ALG6: variants seen among roughly 807,000 people sequenced by gnomAD.
ALG6 encodes ALG6 alpha-1,3-glucosyltransferase.
Under a neutral mutation model 66.6 loss-of-function variants are expected in ALG6, and 46 were observed. The observed-to-expected ratio is 0.69, with a 90% CI of 0.55 to 0.88. The LOEUF (loss-of-function observed/expected upper bound fraction) is 0.88, where lower values mean the gene tolerates loss of function less well. ALG6 is among the 40% of genes least tolerant of loss of function. The probability of loss-of-function intolerance (pLI) is 0.00; values close to 1 mark genes in which losing one functional copy is unlikely to be tolerated. For synonymous variants in ALG6, 185 were observed against 203.7 expected (o/e 0.91, Z 0.78); for missense variants, 505 against 586.8 (o/e 0.86, Z 1.44).
At chr1:63,397,216 C>T (rs575025603) in intron 3 of ALG6, among the ~76,000 whole-genome samples, 32 of 151,508 alleles carry the variant, frequency 2.1e-4, no homozygotes, top group African/African-American at 7.8e-4. Flanking sequence ...GATGGAGTCT[C>T]ACTCTGTCGC....
intron 14 of ALG6, among the ~76,000 whole-genome samples, chr1:63,434,715 T>C (rs1644668671): frequency 6.6e-6 from 1 of 152,126 alleles, no homozygotes; most frequent in Admixed American, 6.6e-5. Flanking sequence ...AGCCAAAAGA[T>C]TGGACAACCC....
intron 3 of ALG6, among the ~76,000 whole-genome samples, chr1:63,398,775 G>A (rs751619421): frequency 2.6e-5 from 4 of 151,992 alleles, no homozygotes; most frequent in Non-Finnish European, 4.4e-5. Flanking sequence ...GTGCCTGGCC[G>A]ATAATTAGAT....
rs113457394 is a variant in ALG6, at chr1:63,370,917, G to A, written c.-61G>A. 7.1e-5 allele frequency: 70 copies of A among 991,506 alleles called. 1 individual carries two copies. The highest frequency in any genetic ancestry group is 4.9e-4 in the African/African-American group (31 of 63,044). The allele number at this position is 991,506 out of a possible 1,614,324, so 61.4% of individuals were successfully genotyped here. On this transcript the variant is annotated 5_prime_UTR_variant, in exon 2 of 15. Transcript: ENST00000263440. Reference sequence around the variant, plus strand: ...AACAAGAAAAGAAGTGATTGACCACGTTTTAAAAGTACTCTGGCACTGGTG... The same window carrying A: ...AACAAGAAAAGAAGTGATTGACCACATTTTAAAAGTACTCTGGCACTGGTG...
At chr1:63,369,977 C>A (rs955346592) in intron 1 of ALG6, among the ~76,000 whole-genome samples, 20 of 151,954 alleles carry the variant, frequency 1.3e-4, no homozygotes, top group African/African-American at 4.6e-4. Flanking sequence ...CGCCACCATA[C>A]CTGGCTAATT....
chr1:63,434,314 T>A (rs888577473), intron 14 of ALG6, among the ~76,000 whole-genome samples: 4 of 152,156 alleles, frequency 2.6e-5, no homozygotes, highest in African/African-American at 9.7e-5. Flanking sequence ...GTGTTCAAGA[T>A]GACTCCAAGG....
In ALG6 at chr1:63,424,774, A is replaced by ATTT. The variant is rs146137714; in HGVS notation, c.1059-3939_1059-3937dup. ...TATGTCTTTGATCCATTTTGAGTTAATTTTTTTTTTTTTTTTTTTTTTGAG... is the reference window on the plus strand; with the variant it reads ...TATGTCTTTGATCCATTTTGAGTTAATTTTTTTTTTTTTTTTTTTTTTTTTGAG... On this transcript the variant is annotated intron_variant, in intron 12 of 14. Coordinates refer to ENST00000263440, the MANE Select transcript of ALG6 (RefSeq NM_013339.4). 8.1e-3 allele frequency among the ~76,000 whole-genome samples: 928 copies of ATTT among 113,982 alleles called. 22 individuals carry two copies. The highest frequency in any genetic ancestry group is 0.031 in the African/African-American group (834 of 27,092). The allele number at this position is 113,982 out of a possible 152,430, so 74.8% of individuals were successfully genotyped here.
intron 2 of ALG6, among the ~76,000 whole-genome samples, chr1:63,376,142 G>A (rs1347962321): frequency 2.6e-5 from 4 of 152,170 alleles, no homozygotes; most frequent in African/African-American, 9.7e-5. Flanking sequence ...AGATTGTACA[G>A]CCTACTACAC....
At chr1:63,434,706 G>A (rs1644668644) in intron 14 of ALG6, among the ~76,000 whole-genome samples, 2 of 152,192 alleles carry the variant, frequency 1.3e-5, no homozygotes. Context: ...GCCCAGGGAA[G>A]CCAAAAGATT....
At chr1:63,395,813 A>G (rs1648808435) in intron 2 of ALG6, among the ~76,000 whole-genome samples, 1 of 152,202 alleles carries the variant, frequency 6.6e-6, no homozygotes, top group Non-Finnish European at 1.5e-5. Context: ...ATTATTGAGT[A>G]CAGTCAGCCC....
Position 63,437,109 on chromosome 1 carries a change from G to T in ALG6, c.*89G>T, listed in dbSNP as rs531808380. On this transcript the variant is annotated 3_prime_UTR_variant, in exon 15 of 15. Transcript: ENST00000263440. ...TGTGAACTTTTTGCTATGTATAAAT[G>T]AAATTACCATTTTGAGAACCATGGA... 22 of 1,155,852 alleles carry T rather than the reference G, an allele frequency of 1.9e-5. No individual in the cohort carries two copies. The African/African-American group carries it at 2.8e-4, about 15-fold the overall frequency. 71.6% of individuals were successfully genotyped at this position (1,155,852 alleles called of 1,614,324 possible).
chr1:63,383,679 C>T (rs1472284497), intron 2 of ALG6, among the ~76,000 whole-genome samples: 2 of 152,188 alleles, frequency 1.3e-5, no homozygotes, highest in Non-Finnish European at 2.9e-5. Context: ...GTATTATAAA[C>T]ATTCCATTTA....
chr1:63,400,280 T>TATATAC (rs1415450323), intron 3 of ALG6, among the ~76,000 whole-genome samples: 2 of 26,282 alleles, frequency 7.6e-5, no homozygotes, highest in East Asian at 2.6e-3. Context: ...TATATATATA[T>TATATAC]ACGTATATAT....
intron 11 of ALG6, among the ~76,000 whole-genome samples, chr1:63,416,627 T>C (rs554251039): frequency 2.4e-4 from 37 of 152,230 alleles, no homozygotes; most frequent in African/African-American, 8.9e-4. Flanking sequence ...GTTTGATTTG[T>C]GTGCAAGAGA....
intron 2 of ALG6, among the ~76,000 whole-genome samples, chr1:63,386,074 A>G (rs1648493863): frequency 6.6e-6 from 1 of 152,194 alleles, no homozygotes; most frequent in African/African-American, 2.4e-5. Context: ...CAAAATGGTC[A>G]TATGGTTTCT....
At chr1:63,390,121 A>T (rs1184315552) in intron 2 of ALG6, among the ~76,000 whole-genome samples, 1 of 152,196 alleles carries the variant, frequency 6.6e-6, no homozygotes, top group African/African-American at 2.4e-5. Context: ...AGGGTTCTTC[A>T]TCAGCAGGTA....
intron 2 of ALG6, among the ~76,000 whole-genome samples, chr1:63,371,509 C>T (rs576286576): frequency 2.0e-5 from 3 of 152,202 alleles, no homozygotes; most frequent in Admixed American, 2.0e-4. Flanking sequence ...CTGCAGGTAC[C>T]TATTTAGCAC....
chr1:63,426,624 G>A lies in ALG6; in HGVS notation c.1059-2109G>A, dbSNP rs376680271. On this transcript the variant is annotated intron_variant, in intron 12 of 14. Transcript: ENST00000263440. ...AGTGACATGGTCATAGCTCACTGCA[G>A]CCTCGGACTCCTGGGCTCAAGTGAG... Among the ~76,000 whole-genome samples the A allele has an allele frequency of 2.1e-4, 32 of 152,080 alleles. No homozygotes were observed. The South Asian group carries it at 6.7e-3, about 32-fold the overall frequency.
chr1:63,412,149 A>T, intron 9 of ALG6, 88 bp downstream of exon 9: 2 of 1,560,918 alleles, frequency 1.3e-6, no homozygotes, highest in Admixed American at 3.3e-5. Flanking sequence ...AAGGAATAGG[A>T]ACTTCAGCTA....
intron 12 of ALG6, among the ~76,000 whole-genome samples, chr1:63,423,674 A>G (rs988289147): frequency 6.6e-6 from 1 of 152,180 alleles, no homozygotes; most frequent in African/African-American, 2.4e-5. Context: ...TCAGAACTGT[A>G]TTCTTTTTTA....
Sources: gnomAD v4.1 joint callset for allele counts (sites outside exome capture counted in the v4.1 genomes callset) on GRCh38, gnomAD v4.1.1 for gene constraint, MANE v1.5 for transcripts, NCBI Gene and HGNC (gene_info 2026-07-23, HGNC 2026-07-21) for gene names.